TARS1: variants seen among roughly 807,000 people sequenced by gnomAD.
TARS1 encodes the protein threonine--tRNA ligase 1, cytoplasmic.
A neutral mutation model predicts 97.7 loss-of-function variants in TARS1; 57 were observed. That is an observed-to-expected ratio of 0.58 (90% CI 0.47 to 0.73). TARS1 has a LOEUF of 0.73. Among genes scored for constraint, TARS1 ranks in the 30% least tolerant of loss-of-function variants. The pLI, the probability that TARS1 is intolerant of heterozygous loss-of-function variation, is 0.00. For synonymous variants in TARS1, 312 were observed against 293.7 expected (o/e 1.06, Z -0.64); for missense variants, 806 against 888.3 (o/e 0.91, Z 1.18).
chr5:33,461,246 G>T lies in TARS1; in HGVS notation c.1502G>T (p.Arg501Leu). ...TCTTTTAAACTAAACCTTTCTACTC[G>T]CCCGGAAAAATTCCTTGGAGATATC... ...GFSFKLNLST[R>L]PEKFLGDIEV... is the part of the protein sequence containing the mutation. The change falls in exon 13 of 19, where the codon CGC becomes CTC. Residue 501 changes from arginine (R) to leucine (L), a missense_variant. Around this residue, in one of 3 missense-constraint regions of TARS1, gnomAD observed 446 missense variants for 511.0 expected, o/e 0.87. Coordinates refer to ENST00000265112, the MANE Select transcript of TARS1 (RefSeq NM_152295.5). 2 of 1,613,766 alleles carry T rather than the reference G, an allele frequency of 1.2e-6. No homozygotes were observed. Among genetic ancestry groups the T allele is most frequent in the Non-Finnish European group, 1.7e-6 (2 of 1,179,958 alleles).
At position 33,446,585 on chromosome 5, in the gene TARS1, G is replaced by A. The variant is rs1000687111; in HGVS notation, c.138+1181G>A. On this transcript the variant is annotated intron_variant, in intron 2 of 18. Transcript: ENST00000265112. ...AAAGAGTGTACAGTGAACTGTCCAAGACCTTGGTCTTCCCCTCCAAGGGCA... is the reference window on the plus strand; with the variant it reads ...AAAGAGTGTACAGTGAACTGTCCAAAACCTTGGTCTTCCCCTCCAAGGGCA... 4.8e-6 allele frequency: 4 copies of A among 827,698 alleles called. No individual in the cohort carries two copies. The African/African-American group carries it at 7.0e-5, about 15-fold the overall frequency. 51.3% of individuals were successfully genotyped at this position (827,698 alleles called of 1,614,324 possible). A position where few individuals can be genotyped will look rare whatever the true frequency, so the allele number is the denominator to read the frequency against.
intron 3 of TARS1, among the ~76,000 whole-genome samples, chr5:33,452,072 T>A (rs975309876): frequency 3.9e-5 from 6 of 152,216 alleles, no homozygotes; most frequent in Non-Finnish European, 8.8e-5. Flanking sequence ...TCTGTTTGGT[T>A]CTTTTCTCTT....
At chr5:33,449,393 CTGTT>C (rs1242884230) in intron 3 of TARS1, among the ~76,000 whole-genome samples, 4 of 138,290 alleles carry the variant, frequency 2.9e-5, no homozygotes, top group South Asian at 2.3e-4. Flanking sequence ...TAGTCATAAT[CTGTT>C]TGTGTATGTC....
At chr5:33,465,374 C>T (rs908701644) in intron 17 of TARS1, among the ~76,000 whole-genome samples, 28 of 152,038 alleles carry the variant, frequency 1.8e-4, no homozygotes, top group African/African-American at 6.0e-4. Flanking sequence ...TTTTCTTTTG[C>T]GGGGAGAGAA....
intron 2 of TARS1, among the ~76,000 whole-genome samples, chr5:33,445,785 A>G (rs1741382495): frequency 6.6e-6 from 1 of 152,216 alleles, no homozygotes; most frequent in Non-Finnish European, 1.5e-5. Flanking sequence ...TACACTGAAT[A>G]CAATGAAAAC....
At chr5:33,459,989 A>T in intron 11 of TARS1, 128 bp downstream of exon 11, 1 of 992,832 alleles carries the variant, frequency 1.0e-6, no homozygotes. Flanking sequence ...TAAACGCAAC[A>T]TCTTTGTATT....
At chr5:33,455,502 C>T in intron 5 of TARS1, 85 bp from the exon 6 acceptor site, 2 of 850,370 alleles carry the variant, frequency 2.4e-6, no homozygotes, top group Non-Finnish European at 3.7e-6. Context: ...TTGAAGTATT[C>T]CAAATACTAT....
At chr5:33,457,806 A>T (rs1742101688) in intron 9 of TARS1, among the ~76,000 whole-genome samples, 2 of 152,228 alleles carry the variant, frequency 1.3e-5, no homozygotes, top group South Asian at 2.1e-4. Flanking sequence ...TCGCACATGG[A>T]TCCTGTGCTA....
At chr5:33,453,447 A>T (rs1195269235) in intron 4 of TARS1, 35 bp downstream of exon 4, 2 of 1,610,388 alleles carry the variant, frequency 1.2e-6, no homozygotes, top group East Asian at 2.2e-5. Context: ...GAATTTTAGG[A>T]TGCAGATTCA....
At chr5:33,464,927 G>T (rs886114738) in intron 17 of TARS1, among the ~76,000 whole-genome samples, 3 of 151,694 alleles carry the variant, frequency 2.0e-5, no homozygotes, top group Non-Finnish European at 4.4e-5. Flanking sequence ...TTAGCTGGGC[G>T]CAGTGGCGGG....
intron 1 of TARS1, among the ~76,000 whole-genome samples, chr5:33,442,404 A>T (rs2111912768): frequency 6.8e-6 from 1 of 146,700 alleles, no homozygotes; most frequent in East Asian, 2.0e-4. Context: ...GCTATTCTTA[A>T]TTGGACGTGA....
At chr5:33,455,878 CA>C in intron 6 of TARS1, 123 bp from the exon 7 acceptor site, 1 of 1,004,100 alleles carries the variant, frequency 1.0e-6, no homozygotes, top group Non-Finnish European at 1.5e-6. Context: ...ACCATTCCTT[CA>C]ACATGTTTTT....
At chr5:33,441,224 G>T (rs568473088) in intron 1 of TARS1, 81 bp downstream of exon 1, 39 of 1,552,074 alleles carry the variant, frequency 2.5e-5, no homozygotes, top group Admixed American at 6.8e-5. Context: ...GGAGCGGGGG[G>T]CAGGAAGCAG....
intron 1 of TARS1, among the ~76,000 whole-genome samples, chr5:33,444,968 T>C (rs530708492): frequency 5.0e-4 from 76 of 152,148 alleles, no homozygotes; most frequent in Non-Finnish European, 8.4e-4. Flanking sequence ...TTTTTTTTTT[T>C]CCCCTGGAAA....
intron 8 of TARS1, among the ~76,000 whole-genome samples, chr5:33,456,632 T>C (rs751830144): frequency 3.0e-4 from 45 of 152,400 alleles, no homozygotes; most frequent in Non-Finnish European, 4.6e-4. Flanking sequence ...AAATGCACTT[T>C]AAATCAAGAG....
intron 1 of TARS1, 87 bp downstream of exon 1, chr5:33,441,230 A>G (rs1404034629): frequency 8.4e-6 from 13 of 1,553,858 alleles, no homozygotes; most frequent in South Asian, 2.2e-5. Context: ...GGGGGCAGGA[A>G]GCAGGAAGCG....
intron 4 of TARS1, among the ~76,000 whole-genome samples, chr5:33,454,227 A>G (rs1481238720): frequency 6.6e-6 from 1 of 152,150 alleles, no homozygotes; most frequent in African/African-American, 2.4e-5. Flanking sequence ...ATAAGGGGAG[A>G]CAAAGTATTT....
chr5:33,461,558 C>G, intron 13 of TARS1, 109 bp from the exon 14 acceptor site: 2 of 1,168,002 alleles, frequency 1.7e-6, no homozygotes, highest in Non-Finnish European at 2.4e-6. Context: ...AATTCTAAAG[C>G]AGAGAATATT....
chr5:33,463,706 G>C (rs772710259), intron 16 of TARS1, 47 bp from the exon 17 acceptor site: 2 of 1,492,006 alleles, frequency 1.3e-6, no homozygotes, highest in Non-Finnish European at 1.9e-6. Context: ...TCCCTGTTTA[G>C]TGAATATGCC....
Sources: gnomAD v4.1 joint callset for allele counts (sites outside exome capture counted in the v4.1 genomes callset) on GRCh38, gnomAD v4.1.1 for gene constraint, gnomAD v4.1.1 regional missense constraint, MANE v1.5 for transcripts, NCBI Gene and HGNC (gene_info 2026-07-23, HGNC 2026-07-21) for gene names.